ENTPD6: variants seen among roughly 807,000 people sequenced by gnomAD.
ENTPD6 encodes ectonucleoside triphosphate diphosphohydrolase 6.
A neutral mutation model predicts 61.5 loss-of-function variants in ENTPD6; 46 were observed. That is an observed-to-expected ratio of 0.75 (90% CI 0.59 to 0.96). The LOEUF is 0.96. ENTPD6 is among the 40% of genes least tolerant of loss of function. The probability of loss-of-function intolerance (pLI) is 0.00; values close to 1 mark genes in which losing one functional copy is unlikely to be tolerated. For synonymous variants in ENTPD6, 252 were observed against 255.5 expected (o/e 0.99, Z 0.13); for missense variants, 612 against 629.0 (o/e 0.97, Z 0.29).
chr20:25,217,249 C>T (rs2092367243), intron 8 of ENTPD6, among the ~76,000 whole-genome samples: 1 of 152,150 alleles, frequency 6.6e-6, no homozygotes, highest in South Asian at 2.1e-4. Flanking sequence ...CTCATAGGTA[C>T]TGATATGATC....
Position 25,225,562 on chromosome 20 carries a change from G to C in ENTPD6, c.1420G>C (p.Asp474His), listed in dbSNP as rs376852747. 1.9e-6 allele frequency: 3 copies of C among 1,613,970 alleles called. No individual in the cohort carries two copies. The East Asian group carries it at 6.7e-5, about 36-fold the overall frequency. ...TCTGGGGGCCATTTTTCATTACATC[G>C]ACTCCCTGAACAGACAGAAGAGTCC... ...WALGAIFHYI[D>H]SLNRQKSPAS Residue 474 changes from aspartate to histidine, a missense_variant, in exon 15 of 15, where the codon GAC (aspartate) becomes CAC (histidine). Transcript: ENST00000376652.
intron 8 of ENTPD6, 84 bp from the exon 9 acceptor site, chr20:25,217,418 C>A: frequency 7.5e-7 from 1 of 1,337,138 alleles, no homozygotes; most frequent in South Asian, 1.2e-5. Context: ...TGACCATCCC[C>A]TTTCTTTCAA....
chr20:25,220,002 C>T (rs1042236211), intron 10 of ENTPD6, among the ~76,000 whole-genome samples: 1 of 152,162 alleles, frequency 6.6e-6, no homozygotes, highest in African/African-American at 2.4e-5. Flanking sequence ...TACCTCTTTG[C>T]CCTTTGTGGT....
intron 8 of ENTPD6, 79 bp from the exon 9 acceptor site, chr20:25,217,423 T>C (rs1261586451): frequency 1.4e-6 from 2 of 1,381,542 alleles, no homozygotes; most frequent in Non-Finnish European, 2.1e-6. Flanking sequence ...ATCCCCTTTC[T>C]TTCAAATGAA....
In ENTPD6 at chr20:25,201,051, G is replaced by A. The variant is rs372159941; in HGVS notation, c.-16+5184G>A. Reference sequence around the variant, plus strand: ...CAAGGTATTTTCTAATTTTCATTATGACTTCTTCTTTGACTCTTCAGTTGT... The same window carrying A: ...CAAGGTATTTTCTAATTTTCATTATAACTTCTTCTTTGACTCTTCAGTTGT... On this transcript the variant is annotated intron_variant, in intron 1 of 14. Coordinates refer to ENST00000376652, the MANE Select transcript of ENTPD6 (RefSeq NM_001247.5). 2.6e-5 allele frequency among the ~76,000 whole-genome samples: 4 copies of A among 152,258 alleles called. No homozygotes were observed. In the East Asian group the frequency reaches 5.8e-4, roughly 22 times the overall value.
Position 25,218,136 on chromosome 20 carries a change from T to G in ENTPD6, c.879-414T>G, listed in dbSNP as rs60479943. ...TCTACAGTATACGCACATTCCTCCT[T>G]GTGCACATTCCTCCATGTGTGCTTA... On this transcript the variant is annotated intron_variant, in intron 9 of 14. Coordinates refer to ENST00000376652, the MANE Select transcript of ENTPD6 (RefSeq NM_001247.5). Among the ~76,000 whole-genome samples the G allele has an allele frequency of 7.8e-3, 1,193 of 152,182 alleles. 21 individuals carry two copies. The highest frequency in any genetic ancestry group is 0.028 in the African/African-American group (1,142 of 41,486).
intron 6 of ENTPD6, among the ~76,000 whole-genome samples, chr20:25,215,239 G>T (rs2123052212): frequency 6.6e-6 from 1 of 152,298 alleles, no homozygotes; most frequent in South Asian, 2.1e-4. Flanking sequence ...AAGAACATTT[G>T]GAGAGAATCT....
chr20:25,205,850 G>A (rs117736990), intron 1 of ENTPD6, among the ~76,000 whole-genome samples: 1,622 of 152,342 alleles, frequency 0.011, 8 homozygotes, highest in Non-Finnish European at 0.017. Flanking sequence ...GGAGGGGCCA[G>A]GAATGGCCTG....
intron 1 of ENTPD6, among the ~76,000 whole-genome samples, chr20:25,199,703 G>A (rs1312642094): frequency 6.6e-6 from 1 of 152,120 alleles, no homozygotes; most frequent in East Asian, 1.9e-4. Flanking sequence ...TGACAGCTCT[G>A]TAACTCATGT....
chr20:25,209,093 CTTTT>C (rs1463243639), intron 3 of ENTPD6, among the ~76,000 whole-genome samples: 43 of 139,040 alleles, frequency 3.1e-4, no homozygotes, highest in Middle Eastern at 3.6e-3. Context: ...CTTTTTTTTT[CTTTT>C]TTATTTATTT....
Position 25,207,216 on chromosome 20 carries a change from C to T in ENTPD6, c.195C>T (p.Ala65=). ...TTGCCTACATCAAGTGGCACCGGGC[C>T]ACCGCCACCCAGGCCTTCTTCAGCA... is the stretch of plus-strand genomic sequence containing the variant. ...IYVAYIKWHR[A]TATQAFFSIT... The change falls in exon 3 of 15, where the codon GCC becomes GCT. Residue 65 remains alanine, a synonymous_variant. Coordinates refer to ENST00000376652, the MANE Select transcript of ENTPD6 (RefSeq NM_001247.5). 6.2e-7 allele frequency: 1 copy of T among 1,614,128 alleles called. No homozygotes were observed.
At chr20:25,211,432 T>C (rs1245519703) in intron 4 of ENTPD6, among the ~76,000 whole-genome samples, 1 of 152,240 alleles carries the variant, frequency 6.6e-6, no homozygotes, top group African/African-American at 2.4e-5. Flanking sequence ...ATGTCCCTCC[T>C]ACTCCAGGCT....
Position 25,226,444 on chromosome 20 carries a change from C to G in ENTPD6, c.*847C>G, listed in dbSNP as rs998191032. ...ATGTATCGCTACTGTGAGCTGTTCC[C>G]GCCTAGCCAGGGCCATGTCTTAGGT... On this transcript the variant is annotated 3_prime_UTR_variant, in exon 15 of 15. Transcript: ENST00000376652. The G allele has an allele frequency of 6.6e-6, 1 of 152,632 alleles. No homozygotes were observed. The highest frequency in any genetic ancestry group is 1.5e-5 in the Non-Finnish European group (1 of 68,080). 9.5% of individuals were successfully genotyped at this position (152,632 alleles called of 1,614,324 possible).
rs148914334 is a variant in ENTPD6 at position 25,207,258 on chromosome 20, G to C, written c.237G>C (p.Pro79=). ...QAFFSITRAA[P]GARWGQQAHS... is the part of the protein sequence containing the mutation. ...TCTTCAGCATCACCAGGGCAGCCCCGGGGGCCCGGTGGGGTCAGCAGGCCC... is the reference window on the plus strand; with the variant it reads ...TCTTCAGCATCACCAGGGCAGCCCCCGGGGCCCGGTGGGGTCAGCAGGCCC... The change falls in exon 3 of 15, where the codon CCG becomes CCC. Residue 79 remains proline, a synonymous_variant. Transcript: ENST00000376652. 4.3e-6 allele frequency: 7 copies of C among 1,613,668 alleles called. No individual in the cohort carries two copies. The African/African-American group carries it at 5.3e-5, about 12-fold the overall frequency.
intron 10 of ENTPD6, among the ~76,000 whole-genome samples, chr20:25,219,863 C>G (rs1321301883): frequency 6.6e-6 from 1 of 152,222 alleles, no homozygotes; most frequent in Non-Finnish European, 1.5e-5. Context: ...CTTTCAAATC[C>G]TGGTGTTTAT....
rs978933726 is a variant in ENTPD6 at position 25,195,734 on chromosome 20, T to G, written c.-149T>G. On this transcript the variant is annotated 5_prime_UTR_variant, in exon 1 of 15. Coordinates refer to ENST00000376652, the MANE Select transcript of ENTPD6 (RefSeq NM_001247.5). ...GGGGCGGAGCCCAGGCCCTAGGGAATCGTGGGGTCGTATCCCGCGGGTGGA... is the reference window on the plus strand; with the variant it reads ...GGGGCGGAGCCCAGGCCCTAGGGAAGCGTGGGGTCGTATCCCGCGGGTGGA... 8 of 696,186 alleles carry G rather than the reference T, an allele frequency of 1.1e-5. No individual in the cohort carries two copies. Among genetic ancestry groups the G allele is most frequent in the Non-Finnish European group, 1.6e-5 (8 of 492,238 alleles). The allele number at this position is 696,186 out of a possible 1,614,324, so 43.1% of individuals were successfully genotyped here.
intron 1 of ENTPD6, among the ~76,000 whole-genome samples, chr20:25,203,240 G>T (rs2091185619): frequency 1.3e-5 from 2 of 152,176 alleles, no homozygotes; most frequent in African/African-American, 4.8e-5. Context: ...ATTATATTGT[G>T]TCTTCATGTT....
In ENTPD6 at chr20:25,214,949, G is replaced by T. The variant is rs1269757383; in HGVS notation, c.673+7G>T. The T allele has an allele frequency of 6.3e-7, 1 of 1,598,070 alleles. No homozygotes were observed. The highest frequency in any genetic ancestry group is 8.6e-7 in the Non-Finnish European group (1 of 1,165,514). The stretch of plus-strand genomic sequence containing the variant: ...ATGAACGGAACAGATGAAGGTAAAT[G>T]GCTGGAAGCACCTCTGTACAGTGGG... On this transcript the variant is annotated splice_region_variant and intron_variant, in intron 6 of 14. Transcript: ENST00000376652.
At chr20:25,202,893 GCTGCTGT>G (rs1311778247) in intron 1 of ENTPD6, among the ~76,000 whole-genome samples, 1 of 152,188 alleles carries the variant, frequency 6.6e-6, no homozygotes, top group Non-Finnish European at 1.5e-5. Flanking sequence ...ACAGCTTTTA[GCTGCTGT>G]CTAGTGCCCT....
Sources: gnomAD v4.1 joint callset for allele counts (sites outside exome capture counted in the v4.1 genomes callset) on GRCh38, gnomAD v4.1.1 for gene constraint, MANE v1.5 for transcripts, NCBI Gene and HGNC (gene_info 2026-07-23, HGNC 2026-07-21) for gene names.